LYST: variants seen among roughly 807,000 people sequenced by gnomAD.
LYST encodes the protein lysosomal trafficking regulator.
Under a neutral mutation model 413.6 loss-of-function variants are expected in LYST, and 192 were observed. That is an observed-to-expected ratio of 0.46 (90% confidence interval 0.41 to 0.52). The LOEUF (loss-of-function observed/expected upper bound fraction) is 0.52. LYST is among the 20% of genes least tolerant of loss of function. The pLI is 0.00. For synonymous variants in LYST, 1,525 were observed against 1,567.3 expected, an observed-to-expected ratio of 0.97 and a Z score of 0.64; for missense variants, 3,815 against 4,499.9, an observed-to-expected ratio of 0.85 and a Z score of 4.35.
intron 1 of LYST, among the ~76,000 whole-genome samples, chr1:235,878,409 A>C (rs930634641): frequency 3.3e-5 from 5 of 152,110 alleles, no homozygotes; most frequent in Admixed American, 3.3e-4. Context: ...TCTCCCTTCT[A>C]TCCCACTCTC....
intron 48 of LYST, among the ~76,000 whole-genome samples, chr1:235,683,680 G>T (rs1016727946): frequency 2.2e-4 from 34 of 152,318 alleles, no homozygotes; most frequent in African/African-American, 7.9e-4. Flanking sequence ...GTGGCACTTG[G>T]TTGGGGGGCC....
At chr1:235,845,035 T>C (rs7525751) in intron 1 of LYST, among the ~76,000 whole-genome samples, 52,917 of 151,644 alleles carry the variant, frequency 0.35, 10,015 homozygotes, top group East Asian at 0.77. Context: ...TGTGGTGGCT[T>C]GCATTGTGAA....
At chr1:235,822,664 C>T (rs536548614) in intron 3 of LYST, among the ~76,000 whole-genome samples, 1 of 152,212 alleles carries the variant, frequency 6.6e-6, no homozygotes, top group South Asian at 2.1e-4. Context: ...GAGAAGAGAC[C>T]ATGGTAGCTT....
intron 21 of LYST, 74 bp from the exon 22 acceptor site, chr1:235,762,925 A>T (rs1667737365): frequency 9.1e-7 from 1 of 1,104,456 alleles, no homozygotes; most frequent in Admixed American, 1.9e-5. Flanking sequence ...TTAAAAGCAG[A>T]TCATTAAATT....
Position 235,734,668 on chromosome 1 carries a change from A to G in LYST, c.8359-9T>C. On this transcript the variant is annotated splice_polypyrimidine_tract_variant and intron_variant, in intron 31 of 52. Coordinates refer to ENST00000389793, the MANE Select transcript of LYST (RefSeq NM_000081.4). The stretch of plus-strand genomic sequence containing the variant: ...ACTAACTTGGCTCCATGCTTTAAAA[A>G]AAGTAATAATTTTTTAGTCATTTAG... 1 of 1,590,082 alleles carries G rather than the reference A, an allele frequency of 6.3e-7. No individual in the cohort carries two copies. The highest frequency in any genetic ancestry group is 1.7e-5 in the Admixed American group (1 of 58,980).
chr1:235,830,441 AC>A lies in LYST; in HGVS notation c.-7-18del. The A allele has an allele frequency of 6.4e-7, 1 of 1,560,958 alleles. No individual in the cohort carries two copies. The highest frequency in any genetic ancestry group is 8.8e-7 in the Non-Finnish European group (1 of 1,141,564). ...ATGACCGAGCTATAAAATAAGTATT[AC>A]AAAAAAAAAAGATTAGGAAAACAAA... On this transcript the variant is annotated intron_variant, in intron 2 of 52. Transcript: ENST00000389793.
intron 10 of LYST, among the ~76,000 whole-genome samples, chr1:235,795,747 T>C (rs550873683): frequency 3.9e-5 from 6 of 152,068 alleles, no homozygotes; most frequent in Non-Finnish European, 8.8e-5. Flanking sequence ...AACAGTTTTA[T>C]TAAATATAAA....
At position 235,803,092 on chromosome 1, in the gene LYST, T is replaced by G. The variant is rs141084661; in HGVS notation, c.3556-28A>C. On this transcript the variant is annotated intron_variant, in intron 7 of 52. Transcript: ENST00000389793. The stretch of plus-strand genomic sequence containing the variant: ...ATAAATCAGTGTAATTCAAAGGTTG[T>G]AACATTTGCTTGTTTTTAGTAATAG... 5.6e-4 allele frequency: 894 copies of G among 1,583,824 alleles called. 5 individuals carry two copies. The East Asian group carries it at 0.019, about 34-fold the overall frequency.
intron 1 of LYST, among the ~76,000 whole-genome samples, chr1:235,880,582 T>G (rs541778761): frequency 1.9e-4 from 29 of 152,370 alleles, no homozygotes; most frequent in African/African-American, 5.3e-4. Flanking sequence ...CTAGATGGAA[T>G]GTATACATAC....
At chr1:235,806,980 A>G (rs1361947842) in intron 5 of LYST, among the ~76,000 whole-genome samples, 2 of 152,200 alleles carry the variant, frequency 1.3e-5, no homozygotes, top group African/African-American at 4.8e-5. Context: ...CCTTCTTCAA[A>G]CATTTGTATA....
At chr1:235,846,064 C>T (rs1023375347) in intron 1 of LYST, among the ~76,000 whole-genome samples, 1 of 152,138 alleles carries the variant, frequency 6.6e-6, no homozygotes, top group Admixed American at 6.5e-5. Flanking sequence ...ACATGGCCAA[C>T]CAGTACAAAA....
chr1:235,768,308 T>C (rs1668336128), intron 20 of LYST, among the ~76,000 whole-genome samples: 3 of 152,100 alleles, frequency 2.0e-5, no homozygotes, highest in African/African-American at 7.2e-5. Flanking sequence ...CTATGAATTC[T>C]ATCCTTATAA....
rs59484092 is a variant in LYST, at chr1:235,856,940, A to AT, written c.-98+9902dup. ...CTTACAAGTTACACAGGATATACTG[A>AT]TTTTTTTTTTTTTTTTTTTTTTGAG... On this transcript the variant is annotated intron_variant, in intron 1 of 52. Transcript: ENST00000389793. 4.0e-3 allele frequency among the ~76,000 whole-genome samples: 491 copies of AT among 121,740 alleles called. 4 individuals carry two copies. Among genetic ancestry groups the AT allele is most frequent in the South Asian group, 0.015 (59 of 3,836 alleles). 79.9% of individuals were successfully genotyped at this position (121,740 alleles called of 152,430 possible). A position where few individuals can be genotyped will look rare whatever the true frequency, so the allele number is the denominator to read the frequency against.
At position 235,697,112 on chromosome 1, in the gene LYST, C is replaced by G. The variant is rs1181666827; in HGVS notation, c.10535G>C (p.Cys3512Ser). 3 of 1,614,056 alleles carry G rather than the reference C, an allele frequency of 1.9e-6. No homozygotes were observed. The highest frequency in any genetic ancestry group is 2.2e-5 in the East Asian group (1 of 44,890). The change falls in exon 46 of 53, where the codon TGT (cysteine) becomes TCT (serine). Residue 3512 changes from cysteine (C) to serine (S), a missense_variant. Cys to Ser is a moderately radical substitution (Grantham distance 112). Coordinates refer to ENST00000389793, the MANE Select transcript of LYST (RefSeq NM_000081.4). ...RAICGLSRNFCLLMTYSKEQG... is the reference protein window; with the variant it reads ...RAICGLSRNFSLLMTYSKEQG... ...TTCCTTGCTATATGTCATCAGAAGA[C>G]AGAAATTCCGTGACAAACCACAGAT... is the stretch of plus-strand genomic sequence containing the variant.
At chr1:235,790,593 G>A (rs1670879971) in intron 12 of LYST, among the ~76,000 whole-genome samples, 1 of 152,178 alleles carries the variant, frequency 6.6e-6, no homozygotes, top group African/African-American at 2.4e-5. Flanking sequence ...AAGATTTGTG[G>A]AATGAAGAGC....
chr1:235,748,835 G>C (rs1572139933), intron 28 of LYST, among the ~76,000 whole-genome samples: 2 of 152,334 alleles, frequency 1.3e-5, no homozygotes. Flanking sequence ...CTGGGGTTCA[G>C]GGCTTGAGTA....
intron 50 of LYST, among the ~76,000 whole-genome samples, chr1:235,670,187 A>G (rs1658820632): frequency 6.6e-6 from 1 of 152,158 alleles, no homozygotes; most frequent in Non-Finnish European, 1.5e-5. Context: ...TGCAAACGGC[A>G]TATTTACCAT....
chr1:235,663,971 G>T lies in LYST; in HGVS notation c.11267+13C>A. ...ATTGTATTCTGAAGCATAAGAGGGG[G>T]AGAAGATCTTACCTGATGATGGGCT... On this transcript the variant is annotated intron_variant, in intron 52 of 52. Coordinates refer to ENST00000389793, the MANE Select transcript of LYST (RefSeq NM_000081.4). 2.5e-6 allele frequency: 4 copies of T among 1,585,584 alleles called. No individual in the cohort carries two copies. Among genetic ancestry groups the T allele is most frequent in the Non-Finnish European group, 3.5e-6 (4 of 1,153,998 alleles).
Position 235,753,250 on chromosome 1 carries a change from G to A in LYST, c.7254C>T (p.Asn2418=), listed in dbSNP as rs776295834. ...DEEFDLEDVR[N]MGLFQKWSVI... ...CAGACCACTTCTGAAACAATCCCAT[G>A]TTTCTCACATCTTCCAGATCAAATC... The change falls in exon 26 of 53, where the codon AAC becomes AAT. Residue 2418 remains asparagine, a synonymous_variant. Transcript: ENST00000389793. 9.4e-6 allele frequency: 15 copies of A among 1,603,038 alleles called. No individual in the cohort carries two copies. The highest frequency in any genetic ancestry group is 1.7e-4 in the Middle Eastern group (1 of 6,042).
Sources: gnomAD v4.1 joint callset for allele counts (sites outside exome capture counted in the v4.1 genomes callset) on GRCh38, gnomAD v4.1.1 for gene constraint, MANE v1.5 for transcripts, NCBI Gene and HGNC (gene_info 2026-07-23, HGNC 2026-07-21) for gene names.